Variants in KAZN observed in about 807,000 individuals in gnomAD.
KAZN encodes kazrin, periplakin interacting protein.
Under a neutral mutation model 87.4 loss-of-function variants are expected in KAZN, and 40 were observed. That is an observed-to-expected ratio of 0.46 (90% CI 0.36 to 0.60). The LOEUF (loss-of-function observed/expected upper bound fraction) is 0.60, where lower values mean the gene tolerates loss of function less well. Among genes scored for constraint, KAZN ranks in the 20% least tolerant of loss-of-function variants. KAZN has a pLI of 0.00. For missense variants in KAZN, 898 were observed against 1,073.9 expected, an observed-to-expected ratio of 0.84 and a Z score of 2.29; for synonymous variants, 466 against 458.3, an observed-to-expected ratio of 1.02 and a Z score of -0.22.
At chr1:14,079,113 A>G (rs1026598352) in intron 1 of KAZN, among the ~76,000 whole-genome samples, 7 of 152,228 alleles carry the variant, frequency 4.6e-5, no homozygotes, top group African/African-American at 1.7e-4. Context: ...CTGTACAAGC[A>G]TGGCACCAGT....
intron 1 of KAZN, among the ~76,000 whole-genome samples, chr1:14,155,316 G>T (rs1465244566): frequency 1.3e-5 from 2 of 152,002 alleles, no homozygotes; most frequent in African/African-American, 4.8e-5. Flanking sequence ...CAATTTATTG[G>T]CATATAGTTG....
At chr1:14,826,400 G>A (rs1260708416) in intron 1 of KAZN, among the ~76,000 whole-genome samples, 1 of 152,230 alleles carries the variant, frequency 6.6e-6, no homozygotes, top group Non-Finnish European at 1.5e-5. Context: ...AACACAGGAT[G>A]AGTCATTGCC....
At chr1:14,665,405 C>G (rs1639469655) in intron 1 of KAZN, among the ~76,000 whole-genome samples, 1 of 152,110 alleles carries the variant, frequency 6.6e-6, no homozygotes, top group Non-Finnish European at 1.5e-5. Context: ...ATCGACTCTG[C>G]TGATAGAATG....
intron 1 of KAZN, among the ~76,000 whole-genome samples, chr1:14,836,651 G>C (rs954689918): frequency 6.6e-6 from 1 of 151,944 alleles, no homozygotes. Flanking sequence ...GAAACCTCAG[G>C]CTCCCCAACT....
At chr1:14,469,188 C>T (rs905956783) in intron 2 of KAZN, among the ~76,000 whole-genome samples, 2 of 152,066 alleles carry the variant, frequency 1.3e-5, no homozygotes, top group East Asian at 3.9e-4. Flanking sequence ...GGTGCTACAA[C>T]CAGATTATGG....
chr1:14,628,422 G>T (rs1679310386), intron 1 of KAZN, among the ~76,000 whole-genome samples: 1 of 152,216 alleles, frequency 6.6e-6, no homozygotes, highest in East Asian at 1.9e-4. Context: ...ATGTGAGAGA[G>T]AAATGCTTTC....
At chr1:14,783,752 G>A (rs1645422645) in intron 1 of KAZN, among the ~76,000 whole-genome samples, 2 of 152,232 alleles carry the variant, frequency 1.3e-5, no homozygotes, top group Admixed American at 6.5e-5. Flanking sequence ...TTTTCTGGTA[G>A]GCAGGCACGG....
At chr1:14,609,681 G>A (rs1013423093) in intron 1 of KAZN, among the ~76,000 whole-genome samples, 116 of 152,168 alleles carry the variant, frequency 7.6e-4, no homozygotes, top group Non-Finnish European at 1.4e-3. Flanking sequence ...CCTGGGAAGC[G>A]CTACAGTCTC....
At chr1:14,158,577 G>A (rs940863615) in intron 1 of KAZN, among the ~76,000 whole-genome samples, 3 of 152,094 alleles carry the variant, frequency 2.0e-5, no homozygotes, top group African/African-American at 7.2e-5. Context: ...CTGTCTGAAA[G>A]GTCACATATC....
chr1:14,390,824 C>T (rs921477920), intron 2 of KAZN: 10 of 152,246 alleles, frequency 6.6e-5, no homozygotes, highest in African/African-American at 2.4e-4. Flanking sequence ...CAGCATTAAT[C>T]CTACCCCTGA....
At chr1:14,493,013 TC>T in intron 2 of KAZN, among the ~76,000 whole-genome samples, 1 of 143,850 alleles carries the variant, frequency 7.0e-6, no homozygotes, top group Non-Finnish European at 1.5e-5. Flanking sequence ...GCCTGGACAT[TC>T]TTCCCTAGAC....
intron 2 of KAZN, among the ~76,000 whole-genome samples, chr1:14,527,549 CAA>C (rs34649606): frequency 2.0e-4 from 22 of 108,804 alleles, no homozygotes; most frequent in African/African-American, 3.7e-4. Context: ...ACTCTGTCTC[CAA>C]AAAAAAAAAA....
chr1:13,903,228 T>C (rs1290118789), intron 1 of KAZN, among the ~76,000 whole-genome samples: 2 of 152,232 alleles, frequency 1.3e-5, no homozygotes, highest in Non-Finnish European at 2.9e-5. Context: ...AGAACCCACT[T>C]GTGGTTTTAT....
At chr1:15,093,475 T>C (rs1371787580) in intron 8 of KAZN, among the ~76,000 whole-genome samples, 2 of 151,904 alleles carry the variant, frequency 1.3e-5, no homozygotes, top group Admixed American at 6.6e-5. Flanking sequence ...CGAAAGGATA[T>C]TGAGAAGCAC....
At chr1:14,725,384 C>T (rs909568357) in intron 1 of KAZN, among the ~76,000 whole-genome samples, 3 of 152,068 alleles carry the variant, frequency 2.0e-5, no homozygotes, top group African/African-American at 7.2e-5. Flanking sequence ...TGTCATCTGA[C>T]ATTTATTTGT....
chr1:14,147,776 C>T (rs1182578552), intron 1 of KAZN, among the ~76,000 whole-genome samples: 1 of 144,526 alleles, frequency 6.9e-6, no homozygotes, highest in Non-Finnish European at 1.5e-5. Context: ...AGCCTGGCGA[C>T]AGAGCAAGAC....
chr1:14,259,939 G>A (rs1443698608), intron 2 of KAZN, among the ~76,000 whole-genome samples: 1 of 152,164 alleles, frequency 6.6e-6, no homozygotes, highest in Non-Finnish European at 1.5e-5. Flanking sequence ...CAAAGTGCAA[G>A]GTTTTATTAA....
At chr1:13,969,352 A>G (rs1642056706) in intron 1 of KAZN, among the ~76,000 whole-genome samples, 1 of 152,216 alleles carries the variant, frequency 6.6e-6, no homozygotes, top group South Asian at 2.1e-4. Context: ...ATAAGTCCTT[A>G]CAACTGGGGG....
At chr1:14,604,711 C>G (rs962112907) in intron 1 of KAZN, among the ~76,000 whole-genome samples, 8 of 152,244 alleles carry the variant, frequency 5.3e-5, no homozygotes, top group African/African-American at 1.9e-4. Flanking sequence ...ATTCTGCGGG[C>G]TTTGTTGGCT....
Sources: gnomAD v4.1 joint callset for allele counts (sites outside exome capture counted in the v4.1 genomes callset) on GRCh38, gnomAD v4.1.1 for gene constraint, MANE v1.5 for transcripts, NCBI Gene and HGNC (gene_info 2026-07-23, HGNC 2026-07-21) for gene names.